The following ZNF385B variants were observed in gnomAD, a reference collection of about 807,000 sequenced individuals.
ZNF385B encodes zinc finger protein 385B.
In ZNF385B, 23 loss-of-function variants were observed where a neutral mutation model predicts 39.2. The observed-to-expected ratio is 0.59, with a 90% confidence interval of 0.42 to 0.83. The LOEUF is 0.83. ZNF385B is among the 40% of genes least tolerant of loss of function. ZNF385B has a pLI of 0.00. For missense variants in ZNF385B, 552 were observed against 598.9 expected (o/e 0.92, Z 0.82); for synonymous variants, 205 against 222.6 (o/e 0.92, Z 0.70).
intron 4 of ZNF385B, chr2:179,522,846 C>A: frequency 2.5e-6 from 1 of 395,182 alleles, no homozygotes; most frequent in Non-Finnish European, 5.1e-6. Context: ...GAAAAAAATA[C>A]CCTATCACAT....
At chr2:179,734,403 A>G (rs974396747) in intron 3 of ZNF385B, among the ~76,000 whole-genome samples, 18 of 152,352 alleles carry the variant, frequency 1.2e-4, no homozygotes, top group Middle Eastern at 3.4e-3. Context: ...TCCACATAAC[A>G]ATGTATGAGA....
intron 3 of ZNF385B, among the ~76,000 whole-genome samples, chr2:179,657,489 T>C (rs958440245): frequency 2.6e-5 from 4 of 152,196 alleles, no homozygotes; most frequent in Admixed American, 2.6e-4. Flanking sequence ...CTGCAAAATA[T>C]AACTTTTTAC....
At chr2:179,472,309 A>C (rs2052859153) in intron 6 of ZNF385B, among the ~76,000 whole-genome samples, 1 of 152,236 alleles carries the variant, frequency 6.6e-6, no homozygotes, top group Non-Finnish European at 1.5e-5. Context: ...ATAAGCAAAT[A>C]ACTTTTCCTA....
At chr2:179,503,293 G>A (rs112916135) in intron 5 of ZNF385B, among the ~76,000 whole-genome samples, 8 of 152,230 alleles carry the variant, frequency 5.3e-5, no homozygotes, top group South Asian at 2.1e-4. Flanking sequence ...CCTCCTTTGC[G>A]ACAATCATTT....
At chr2:179,491,577 TA>T (rs1659229237) in intron 5 of ZNF385B, among the ~76,000 whole-genome samples, 1 of 152,222 alleles carries the variant, frequency 6.6e-6, no homozygotes, top group Non-Finnish European at 1.5e-5. Flanking sequence ...TGGGAACCAT[TA>T]TAATTTATAA....
At chr2:179,670,997 G>A (rs1396635562) in intron 3 of ZNF385B, among the ~76,000 whole-genome samples, 3 of 152,154 alleles carry the variant, frequency 2.0e-5, no homozygotes, top group Non-Finnish European at 2.9e-5. Context: ...GATGATAATG[G>A]CACCCACCTC....
At chr2:179,813,412 C>A (rs979564393) in intron 1 of ZNF385B, among the ~76,000 whole-genome samples, 10 of 151,864 alleles carry the variant, frequency 6.6e-5, no homozygotes, top group Non-Finnish European at 1.0e-4. Context: ...TTAATAAATG[C>A]GTGAAAGTAA....
At chr2:179,575,414 T>C (rs6433797) in intron 3 of ZNF385B, among the ~76,000 whole-genome samples, 38,543 of 152,142 alleles carry the variant, frequency 0.25, 5,157 homozygotes, top group Middle Eastern at 0.36. Flanking sequence ...ATTTGAACTT[T>C]AAGTTCAAAT....
At chr2:179,850,209 C>A (rs368886352) in intron 1 of ZNF385B, among the ~76,000 whole-genome samples, 1 of 152,124 alleles carries the variant, frequency 6.6e-6, no homozygotes, top group African/African-American at 2.4e-5. Flanking sequence ...TTTTACATAT[C>A]CCTCTCCCCT....
intron 1 of ZNF385B, among the ~76,000 whole-genome samples, chr2:179,857,089 A>G (rs991412183): frequency 1.3e-5 from 2 of 152,108 alleles, no homozygotes; most frequent in African/African-American, 2.4e-5. Flanking sequence ...CTGCATTTTA[A>G]TAAGATTTTC....
At chr2:179,659,015 G>A (rs912734728) in intron 3 of ZNF385B, among the ~76,000 whole-genome samples, 7 of 152,150 alleles carry the variant, frequency 4.6e-5, no homozygotes, top group African/African-American at 1.7e-4. Context: ...GACCTCAGGT[G>A]ATCCGCCTGC....
intron 5 of ZNF385B, among the ~76,000 whole-genome samples, chr2:179,493,715 GCATATACGTATATA>G (rs2055692975): frequency 2.0e-5 from 1 of 51,104 alleles, no homozygotes; most frequent in African/African-American, 5.9e-5. Flanking sequence ...ATACACATAT[GCATATACGTATATA>G]CATATATGTA....
chr2:179,630,516 G>A (rs954196517), intron 3 of ZNF385B, among the ~76,000 whole-genome samples: 1 of 152,194 alleles, frequency 6.6e-6, no homozygotes, highest in Non-Finnish European at 1.5e-5. Context: ...CCCATCTGTA[G>A]GTCACCAACA....
intron 3 of ZNF385B, among the ~76,000 whole-genome samples, chr2:179,629,746 G>A (rs1691018056): frequency 6.6e-6 from 1 of 152,148 alleles, no homozygotes; most frequent in Non-Finnish European, 1.5e-5. Flanking sequence ...AGGGGCTGGG[G>A]GATTTCCCTT....
intron 3 of ZNF385B, among the ~76,000 whole-genome samples, chr2:179,621,393 A>G (rs1233216802): frequency 6.6e-6 from 1 of 152,206 alleles, no homozygotes; most frequent in African/African-American, 2.4e-5. Flanking sequence ...TGTGACACAC[A>G]ATGTTCCTTT....
chr2:179,478,146 C>T (rs6718486), intron 6 of ZNF385B, among the ~76,000 whole-genome samples: 38,730 of 152,118 alleles, frequency 0.25, 5,112 homozygotes, highest in East Asian at 0.38. Context: ...CATAAACCAC[C>T]TAACCTTCCC....
chr2:179,607,297 G>A (rs144430027), intron 3 of ZNF385B, among the ~76,000 whole-genome samples: 10 of 152,236 alleles, frequency 6.6e-5, no homozygotes, highest in African/African-American at 2.2e-4. Flanking sequence ...GAGGGACCTG[G>A]TGGGAAGTGA....
intron 3 of ZNF385B, among the ~76,000 whole-genome samples, chr2:179,637,929 A>C (rs1377439913): frequency 6.6e-6 from 1 of 152,250 alleles, no homozygotes; most frequent in Non-Finnish European, 1.5e-5. Context: ...TAAATAGATC[A>C]CACGTATGAA....
intron 6 of ZNF385B, among the ~76,000 whole-genome samples, chr2:179,479,443 G>C (rs2053759514): frequency 6.6e-6 from 1 of 152,106 alleles, no homozygotes; most frequent in African/African-American, 2.4e-5. Context: ...AGAGAAAAAT[G>C]GTTGTGCCAA....
Sources: allele counts gnomAD v4.1 joint callset (sites outside exome capture counted in the v4.1 genomes callset), GRCh38; gene constraint gnomAD v4.1.1; transcripts MANE v1.5; gene names NCBI Gene and HGNC (gene_info 2026-07-23, HGNC 2026-07-21).